Variants in PCDH11X observed in about 807,000 individuals in gnomAD.
PCDH11X encodes the protein protocadherin-11 X-linked.
A neutral mutation model predicts 53.3 loss-of-function variants in PCDH11X; 18 were observed. The ratio of observed to expected loss-of-function variants is 0.34; its 90% CI spans 0.23 to 0.50. The LOEUF (loss-of-function observed/expected upper bound fraction) is 0.50. Among genes scored for constraint, PCDH11X ranks in the 20% least tolerant of loss-of-function variants. The pLI is 0.98. For missense variants in PCDH11X, 570 were observed against 1,032.4 expected, an observed-to-expected ratio of 0.55 and a Z score of 6.14; for synonymous variants, 279 against 393.3, an observed-to-expected ratio of 0.71 and a Z score of 3.44.
intron 10 of PCDH11X, among the ~76,000 whole-genome samples, chrX:92,528,596 C>T (rs2074501593): frequency 9.0e-6 from 1 of 111,721 alleles, no homozygotes; most frequent in South Asian, 3.7e-4. Context: ...TCCCACCCAG[C>T]CTTGAGTCCT....
chrX:92,260,589 GT>G (rs2067695474), intron 7 of PCDH11X, among the ~76,000 whole-genome samples: 1 of 110,526 alleles, frequency 9.0e-6, no homozygotes, highest in Non-Finnish European at 1.9e-5. Flanking sequence ...TCTCATGAAG[GT>G]GTTTTTTTTT....
chrX:91,787,664 C>A (rs1406802050), intron 1 of PCDH11X, among the ~76,000 whole-genome samples: 4 of 110,725 alleles, frequency 3.6e-5, no homozygotes, highest in African/African-American at 1.3e-4. Context: ...CTTTCCTTGT[C>A]CCTTGGCTCT....
rs1048551697 is a variant in PCDH11X, at chrX:92,305,456, T to C, written c.3144+42313T>C. ...CTGTGTGCATGCAGAGTGAGAGATA[T>C]CTGGTGTCTCTTCCTCAGTCGTATC... On this transcript the variant is annotated intron_variant, in intron 8 of 10. Coordinates refer to ENST00000682573, the MANE Select transcript of PCDH11X (RefSeq NM_032968.5). Among the ~76,000 whole-genome samples the C allele has an allele frequency of 2.7e-5, 3 of 109,373 alleles. No homozygotes were observed. In the Admixed American group the frequency reaches 3.0e-4, roughly 11 times the overall value. 95.0% of individuals were successfully genotyped at this position (109,373 alleles called of 115,157 possible).
chrX:91,781,455 G>T (rs890580689), intron 1 of PCDH11X, among the ~76,000 whole-genome samples: 1 of 112,857 alleles, frequency 8.9e-6, no homozygotes, highest in African/African-American at 3.2e-5. Context: ...GAGGTGCTTT[G>T]TGACTTAAAG....
chrX:92,253,442 A>T (rs947302662), intron 7 of PCDH11X, among the ~76,000 whole-genome samples: 31 of 105,382 alleles, frequency 2.9e-4, no homozygotes, highest in Non-Finnish European at 5.5e-4. Context: ...GGTTCCATAT[A>T]AATTTTAGAA....
At chrX:91,826,091 T>C (rs953127508) in intron 4 of PCDH11X, among the ~76,000 whole-genome samples, 1 of 111,348 alleles carries the variant, frequency 9.0e-6, no homozygotes, top group African/African-American at 3.3e-5. Flanking sequence ...AATGCCCAAA[T>C]TGAAGTTTAA....
At chrX:91,988,358 A>G (rs760903254) in intron 6 of PCDH11X, among the ~76,000 whole-genome samples, 185 of 111,919 alleles carry the variant, frequency 1.7e-3, no homozygotes, top group African/African-American at 5.6e-3. Context: ...CAGTTAATAT[A>G]TCTTAAGACA....
At chrX:92,242,152 C>T (rs1314725188) in intron 7 of PCDH11X, among the ~76,000 whole-genome samples, 3 of 109,692 alleles carry the variant, frequency 2.7e-5, no homozygotes, top group African/African-American at 6.6e-5. Flanking sequence ...CTCCTGTTGC[C>T]GTTTTATAAC....
chrX:92,301,852 A>G (rs2068731653), intron 8 of PCDH11X, among the ~76,000 whole-genome samples: 1 of 110,027 alleles, frequency 9.1e-6, no homozygotes, highest in Non-Finnish European at 1.9e-5. Flanking sequence ...ATTGGTGTTA[A>G]TTATCCTTTA....
chrX:92,004,520 C>T (rs1302052365), intron 6 of PCDH11X, among the ~76,000 whole-genome samples: 6 of 110,577 alleles, frequency 5.4e-5, no homozygotes, highest in Non-Finnish European at 1.1e-4. Flanking sequence ...GGAACTATCC[C>T]TCTCTTTAGC....
At chrX:91,989,422 G>A in intron 6 of PCDH11X, among the ~76,000 whole-genome samples, 1 of 110,884 alleles carries the variant, frequency 9.0e-6, no homozygotes, top group East Asian at 2.9e-4. Flanking sequence ...AATGTGCCAG[G>A]TGTGGTGGTG....
chrX:91,923,989 C>T (rs1271930617), intron 6 of PCDH11X, among the ~76,000 whole-genome samples: 1 of 108,522 alleles, frequency 9.2e-6, no homozygotes, highest in Non-Finnish European at 1.9e-5. Context: ...ACAATATTCC[C>T]GTGTAACAAA....
intron 6 of PCDH11X, among the ~76,000 whole-genome samples, chrX:91,967,285 G>T: frequency 9.1e-6 from 1 of 110,222 alleles, no homozygotes. Flanking sequence ...GTGGGCCATG[G>T]ACCGGTACCT....
chrX:91,985,419 T>G (rs2062213791), intron 6 of PCDH11X, among the ~76,000 whole-genome samples: 1 of 112,078 alleles, frequency 8.9e-6, no homozygotes, highest in Non-Finnish European at 1.9e-5. Flanking sequence ...GCAGGAGAAT[T>G]GCTTGAACCC....
At chrX:91,972,168 T>G (rs1175285234) in intron 6 of PCDH11X, among the ~76,000 whole-genome samples, 2 of 103,579 alleles carry the variant, frequency 1.9e-5, no homozygotes, top group African/African-American at 3.5e-5. Flanking sequence ...TATCTCATTG[T>G]GGTTTTGATT....
chrX:92,063,852 T>C (rs1172697655), intron 6 of PCDH11X, among the ~76,000 whole-genome samples: 2 of 109,951 alleles, frequency 1.8e-5, no homozygotes, highest in African/African-American at 6.6e-5. Context: ...CTGTGTGCTC[T>C]AATTCTGGGA....
intron 8 of PCDH11X, among the ~76,000 whole-genome samples, chrX:92,289,348 T>TA (rs899176341): frequency 9.4e-6 from 1 of 106,838 alleles, no homozygotes; most frequent in African/African-American, 3.7e-5. Context: ...ATTCAAGTTG[T>TA]TTTTTCTATT....
rs1025278715 is a variant in PCDH11X, at chrX:92,196,985, T to C, written c.3034-4390T>C. On this transcript the variant is annotated intron_variant, in intron 6 of 10. Coordinates refer to ENST00000682573, the MANE Select transcript of PCDH11X (RefSeq NM_032968.5). ...AATTACAAAATGCCAAGCATTTTAT[T>C]ATAGTAACTCAGTATCATAGAAGTA... Among the ~76,000 whole-genome samples, 18 of 111,628 alleles carry C rather than the reference T, an allele frequency of 1.6e-4. No individual in the cohort carries two copies. In the South Asian group the frequency reaches 6.9e-3, roughly 43 times the overall value.
At chrX:92,546,093 G>A (rs2074850254) in intron 10 of PCDH11X, among the ~76,000 whole-genome samples, 2 of 107,305 alleles carry the variant, frequency 1.9e-5, no homozygotes, top group African/African-American at 6.5e-5. Context: ...GAGAACCTTT[G>A]TCTACTCTTA....
Sources: allele counts gnomAD v4.1 joint callset (sites outside exome capture counted in the v4.1 genomes callset), GRCh38; gene constraint gnomAD v4.1.1; transcripts MANE v1.5; gene names NCBI Gene and HGNC (gene_info 2026-07-23, HGNC 2026-07-21).